Variants in EPC2 observed in about 807,000 individuals in gnomAD.
EPC2 encodes the protein enhancer of polycomb 2.
Under a neutral mutation model 92.1 loss-of-function variants are expected in EPC2, and 14 were observed. The observed-to-expected ratio is 0.15, with a 90% CI of 0.10 to 0.24. The LOEUF (loss-of-function observed/expected upper bound fraction) is 0.24. Ranked by LOEUF, EPC2 falls within the 10% of genes least tolerant of loss-of-function variation. The pLI, the probability that EPC2 is intolerant of heterozygous loss-of-function variation, is 1.00. For synonymous variants in EPC2, 340 were observed against 334.7 expected (o/e 1.02, Z -0.17); for missense variants, 755 against 971.5 (o/e 0.78, Z 2.96).
chr2:148,732,967 CCA>C (rs1558823561), intron 2 of EPC2, among the ~76,000 whole-genome samples: 1 of 122,444 alleles, frequency 8.2e-6, no homozygotes, highest in African/African-American at 3.1e-5. Flanking sequence ...TTTTTTTTTT[CCA>C]GTTAATAAAA....
At chr2:148,762,927 C>G in intron 6 of EPC2, 125 bp downstream of exon 6, 2 of 1,031,246 alleles carry the variant, frequency 1.9e-6, no homozygotes, top group Admixed American at 6.7e-5. Context: ...TTAGTTCTTA[C>G]CATGAGCCAA....
At chr2:148,681,134 T>C (rs751030019) in intron 1 of EPC2, among the ~76,000 whole-genome samples, 41 of 152,218 alleles carry the variant, frequency 2.7e-4, no homozygotes, top group Admixed American at 1.7e-3. Context: ...AGACACATTG[T>C]CTTGCCCCAC....
chr2:148,733,559 G>A (rs1023927800), intron 2 of EPC2, among the ~76,000 whole-genome samples: 3 of 114,842 alleles, frequency 2.6e-5, no homozygotes, highest in African/African-American at 3.3e-5. Context: ...GTGCAGTGCC[G>A]CCATCATAGC....
chr2:148,699,533 C>T (rs917278965), intron 2 of EPC2, among the ~76,000 whole-genome samples: 2 of 152,180 alleles, frequency 1.3e-5, no homozygotes, highest in African/African-American at 4.8e-5. Flanking sequence ...TTATATAATA[C>T]ATAGCCTTTT....
chr2:148,774,288 T>C (rs1322280653), intron 10 of EPC2, among the ~76,000 whole-genome samples: 2 of 152,206 alleles, frequency 1.3e-5, no homozygotes, highest in African/African-American at 4.8e-5. Context: ...ATGTTGTTAA[T>C]ATAAACCCTG....
At chr2:148,746,460 A>C (rs1341767825) in intron 3 of EPC2, among the ~76,000 whole-genome samples, 1 of 152,104 alleles carries the variant, frequency 6.6e-6, no homozygotes, top group African/African-American at 2.4e-5. Context: ...GGTTTTATCA[A>C]AGCACTGAAT....
rs1420593431 is a variant in EPC2, at chr2:148,709,008, GAGAA to G, written c.313+18646_313+18649del. Among the ~76,000 whole-genome samples, 109 of 152,264 alleles carry G rather than the reference GAGAA, an allele frequency of 7.2e-4. 2 individuals carry two copies. The highest frequency in any genetic ancestry group is 4.6e-4 in the Admixed American group (7 of 15,288). On this transcript the variant is annotated intron_variant, in intron 2 of 13. Coordinates refer to ENST00000258484, the MANE Select transcript of EPC2 (RefSeq NM_015630.4). ...AGTTCTGGCCAGGGCAGTCAGGCAA[GAGAA>G]AGAAAGAAAGGGTATCCAATTAGGA...
intron 13 of EPC2, among the ~76,000 whole-genome samples, chr2:148,786,032 A>G (rs969452605): frequency 7.9e-5 from 12 of 152,190 alleles, no homozygotes; most frequent in Non-Finnish European, 8.8e-5. Flanking sequence ...ATATTTCATA[A>G]GTAATTTCTC....
At chr2:148,759,613 A>G (rs906415960) in intron 4 of EPC2, among the ~76,000 whole-genome samples, 11 of 152,050 alleles carry the variant, frequency 7.2e-5, no homozygotes, top group African/African-American at 1.2e-4. Flanking sequence ...TTGAAAATAT[A>G]TATTAAAGTA....
chr2:148,711,134 C>T (rs1310535794), intron 2 of EPC2, among the ~76,000 whole-genome samples: 1 of 150,504 alleles, frequency 6.6e-6, no homozygotes, highest in East Asian at 1.9e-4. Flanking sequence ...CTTTGGGTTT[C>T]ATTTGCTCTT....
intron 10 of EPC2, among the ~76,000 whole-genome samples, chr2:148,775,658 A>AAATCAAATAAAATTAAATTTAATTT: frequency 7.2e-6 from 1 of 138,584 alleles, no homozygotes; most frequent in African/African-American, 2.7e-5. Context: ...TCTTTAAATA[A>AAATCAAATAAAATTAAATTTAATTT]AATTAAATAA....
At chr2:148,780,735 A>G (rs1683732031) in intron 10 of EPC2, among the ~76,000 whole-genome samples, 1 of 152,224 alleles carries the variant, frequency 6.6e-6, no homozygotes, top group Admixed American at 6.5e-5. Context: ...AGCAAGCAAT[A>G]AAGAAAACAG....
intron 10 of EPC2, among the ~76,000 whole-genome samples, chr2:148,773,948 T>C (rs1281276032): frequency 1.3e-5 from 2 of 152,130 alleles, no homozygotes; most frequent in African/African-American, 2.4e-5. Flanking sequence ...TCCATGCGTC[T>C]TGAACACTTT....
Position 148,721,890 on chromosome 2 carries a change from C to CTTTTTTTTTT in EPC2, c.314-21724_314-21715dup. Among the ~76,000 whole-genome samples, 45 of 60,762 alleles carry CTTTTTTTTTT rather than the reference C, an allele frequency of 7.4e-4. 1 individual carries two copies. The highest frequency in any genetic ancestry group is 2.6e-3 in the African/African-American group (40 of 15,362). 39.9% of individuals were successfully genotyped at this position (60,762 alleles called of 152,430 possible). On this transcript the variant is annotated intron_variant, in intron 2 of 13. Transcript: ENST00000258484. Reference sequence around the variant, plus strand: ...TTTGTTTCTTTTTCTGTTTTGATTTCTTTTTTTTTTTTTTTTTCAGAATTC... The same window carrying CTTTTTTTTTT: ...TTTGTTTCTTTTTCTGTTTTGATTTCTTTTTTTTTTTTTTTTTTTTTTTTTTTCAGAATTC...
intron 1 of EPC2, among the ~76,000 whole-genome samples, chr2:148,679,074 A>T (rs954560393): frequency 2.0e-5 from 3 of 152,232 alleles, no homozygotes; most frequent in Non-Finnish European, 2.9e-5. Flanking sequence ...TTGAATCCTC[A>T]TATATTAAAG....
chr2:148,761,786 G>T lies in EPC2; in HGVS notation c.671G>T (p.Arg224Leu). ...RTEKMQTRKN[R>L]KNDEASYEKM... ...TAAAATTATTATTTTTAATAGAATCGTAAGAATGATGAAGCCTCTTATGAA... is the reference window on the plus strand; with the variant it reads ...TAAAATTATTATTTTTAATAGAATCTTAAGAATGATGAAGCCTCTTATGAA... The change falls in exon 5 of 14, where the codon CGT (arginine) becomes CTT (leucine). Residue 224 changes from arginine (R) to leucine (L), a missense_variant. Physicochemically the swap from Arg to Leu is moderately radical, Grantham distance 102. Around this residue, in one of 4 missense-constraint regions of EPC2, gnomAD observed 509 missense variants for 607.7 expected, o/e 0.84. Transcript: ENST00000258484. 1 of 1,496,948 alleles carries T rather than the reference G, an allele frequency of 6.7e-7. No individual in the cohort carries two copies. Among genetic ancestry groups the T allele is most frequent in the Non-Finnish European group, 8.9e-7 (1 of 1,124,448 alleles). The allele number at this position is 1,496,948 out of a possible 1,614,324, so 92.7% of individuals were successfully genotyped here. A position where few individuals can be genotyped will look rare whatever the true frequency, so the allele number is the denominator to read the frequency against.
chr2:148,651,565 G>C (rs1286990005), intron 1 of EPC2, among the ~76,000 whole-genome samples: 1 of 152,116 alleles, frequency 6.6e-6, no homozygotes. Context: ...GGAGTTTGTA[G>C]GGTGGTATAG....
intron 1 of EPC2, among the ~76,000 whole-genome samples, chr2:148,649,032 A>G (rs1263012758): frequency 6.6e-6 from 1 of 152,238 alleles, no homozygotes; most frequent in African/African-American, 2.4e-5. Context: ...AATTTAGACC[A>G]GAAAGATCAG....
intron 1 of EPC2, among the ~76,000 whole-genome samples, chr2:148,669,187 A>T (rs1681108035): frequency 6.6e-6 from 1 of 152,130 alleles, no homozygotes; most frequent in South Asian, 2.1e-4. Flanking sequence ...GATTTTTAGT[A>T]AGGTTAGGTT....
Sources: gnomAD v4.1 joint callset for allele counts (sites outside exome capture counted in the v4.1 genomes callset) on GRCh38, gnomAD v4.1.1 for gene constraint, gnomAD v4.1.1 regional missense constraint, MANE v1.5 for transcripts, NCBI Gene and HGNC (gene_info 2026-07-23, HGNC 2026-07-21) for gene names.